KLF12: variants seen among roughly 807,000 people sequenced by gnomAD.
KLF12 encodes the protein KLF transcription factor 12.
A neutral mutation model predicts 37.8 loss-of-function variants in KLF12; 9 were observed. The ratio of observed to expected loss-of-function variants is 0.24; its 90% confidence interval spans 0.14 to 0.42. KLF12 has a LOEUF of 0.42. KLF12 is among the 10% of genes least tolerant of loss of function. The pLI is 1.00. For missense variants in KLF12, 411 were observed against 516.0 expected (o/e 0.80, Z 1.97); for synonymous variants, 208 against 202.1 (o/e 1.03, Z -0.25).
intron 5 of KLF12, among the ~76,000 whole-genome samples, chr13:73,765,206 A>AT (rs1879832451): frequency 6.6e-6 from 1 of 152,094 alleles, no homozygotes; most frequent in Non-Finnish European, 1.5e-5. Flanking sequence ...CACTCTCAAG[A>AT]CAACAGGTCT....
Position 73,943,976 on chromosome 13 carries a change from C to T in KLF12, c.123+5G>A. On this transcript the variant is annotated splice_donor_5th_base_variant and intron_variant, in intron 3 of 7. Transcript: ENST00000377669. ...AGTGGGGCATTGCTGGAAACTTGTG[C>T]TTACCCCTTGTTCAGATTCCAAAAG... 3 of 1,597,126 alleles carry T rather than the reference C, an allele frequency of 1.9e-6. No individual in the cohort carries two copies. Among genetic ancestry groups the T allele is most frequent in the Non-Finnish European group, 2.6e-6 (3 of 1,165,242 alleles).
At chr13:73,761,750 AG>A (rs1312100096) in intron 6 of KLF12, among the ~76,000 whole-genome samples, 1 of 152,184 alleles carries the variant, frequency 6.6e-6, no homozygotes, top group Non-Finnish European at 1.5e-5. Flanking sequence ...TTTAATTTAC[AG>A]GGCCCCAGCC....
chr13:73,886,609 C>T (rs1887233168), intron 3 of KLF12, among the ~76,000 whole-genome samples: 1 of 152,116 alleles, frequency 6.6e-6, no homozygotes, highest in Non-Finnish European at 1.5e-5. Context: ...ACATCCTGCA[C>T]ATGCACCCCA....
chr13:74,151,379 G>A, the KLF12 span, among the ~76,000 whole-genome samples: 105 of 152,240 alleles, frequency 6.9e-4, no homozygotes, highest in African/African-American at 2.0e-3. Flanking sequence ...GGCCGGGCAC[G>A]GTAGCTCACA....
intron 7 of KLF12, among the ~76,000 whole-genome samples, chr13:73,698,852 G>A (rs1000755168): frequency 6.6e-6 from 1 of 152,064 alleles, no homozygotes; most frequent in African/African-American, 2.4e-5. Context: ...TGTAAGCTTC[G>A]TGAATATGTT....
At chr13:73,763,850 T>C (rs949481553) in intron 6 of KLF12, among the ~76,000 whole-genome samples, 27 of 152,132 alleles carry the variant, frequency 1.8e-4, no homozygotes, top group African/African-American at 5.8e-4. Flanking sequence ...ATGCCCCGGC[T>C]CTGAGGCAAG....
chr13:74,006,742 C>G (rs532151890), intron 1 of KLF12, among the ~76,000 whole-genome samples: 1 of 152,236 alleles, frequency 6.6e-6, no homozygotes, highest in South Asian at 2.1e-4. Flanking sequence ...ATGTTAACAC[C>G]CTTTTCTACC....
the KLF12 span, among the ~76,000 whole-genome samples, chr13:74,146,716 TA>T: frequency 6.6e-6 from 1 of 152,344 alleles, no homozygotes; most frequent in South Asian, 2.1e-4. Context: ...AATATATGTA[TA>T]AAAATTAATG....
At position 73,856,816 on chromosome 13, in the gene KLF12, G is replaced by A. The variant is rs149502106; in HGVS notation, c.124-10443C>T. On this transcript the variant is annotated intron_variant, in intron 3 of 7. Transcript: ENST00000377669. ...CCAGCCTCGTCAACATGGTGAAACC[G>A]TCTCTACTAAAAATACAACAATTAG... Among the ~76,000 whole-genome samples, 973 of 151,898 alleles carry A rather than the reference G, an allele frequency of 6.4e-3. 9 individuals are homozygous for A. The highest frequency in any genetic ancestry group is 0.022 in the African/African-American group (903 of 41,432).
At chr13:74,178,918 CAGT>C in the KLF12 span, among the ~76,000 whole-genome samples, 1 of 152,176 alleles carries the variant, frequency 6.6e-6, no homozygotes. Flanking sequence ...TAATCTGTTA[CAGT>C]TAGTTATCCA....
chr13:74,238,858 T>G, the KLF12 span, among the ~76,000 whole-genome samples: 2 of 152,098 alleles, frequency 1.3e-5, no homozygotes, highest in Non-Finnish European at 2.9e-5. Flanking sequence ...TTGCTAGCGG[T>G]CTGTCAATTT....
the KLF12 span, among the ~76,000 whole-genome samples, chr13:74,171,708 C>A: frequency 6.6e-6 from 1 of 152,066 alleles, no homozygotes; most frequent in Non-Finnish European, 1.5e-5. Context: ...AAAATTGTCT[C>A]CAGTAACTTC....
chr13:74,017,098 G>A (rs1445960733), intron 1 of KLF12, among the ~76,000 whole-genome samples: 1 of 151,822 alleles, frequency 6.6e-6, no homozygotes, highest in Non-Finnish European at 1.5e-5. Flanking sequence ...AGAGGCTGCT[G>A]GTAATGTTTT....
At chr13:74,106,560 T>C (rs983571964) in intron 1 of KLF12, among the ~76,000 whole-genome samples, 2 of 152,206 alleles carry the variant, frequency 1.3e-5, no homozygotes, top group Non-Finnish European at 2.9e-5. Flanking sequence ...TGCTATTTTC[T>C]GGAGATAAAA....
intron 6 of KLF12, among the ~76,000 whole-genome samples, chr13:73,718,385 C>T (rs757079100): frequency 6.6e-6 from 1 of 152,210 alleles, no homozygotes; most frequent in Non-Finnish European, 1.5e-5. Flanking sequence ...AATTGCTTCA[C>T]TGTGAGTTCT....
intron 6 of KLF12, among the ~76,000 whole-genome samples, chr13:73,720,459 G>T (rs1043017022): frequency 6.6e-6 from 1 of 152,158 alleles, no homozygotes; most frequent in South Asian, 2.1e-4. Context: ...AATGGTAGAG[G>T]TAAAACACTT....
At chr13:73,915,466 T>C (rs1888775445) in intron 3 of KLF12, among the ~76,000 whole-genome samples, 1 of 151,980 alleles carries the variant, frequency 6.6e-6, no homozygotes, top group Admixed American at 6.6e-5. Flanking sequence ...CGTTACACCC[T>C]TTCCCTGCAG....
chr13:73,710,518 G>C (rs1180667421), intron 7 of KLF12, among the ~76,000 whole-genome samples: 1 of 121,656 alleles, frequency 8.2e-6, no homozygotes, highest in Non-Finnish European at 1.7e-5. Context: ...TGTGATACTT[G>C]GGTAATTGTC....
At chr13:73,852,241 T>C (rs967284022) in intron 3 of KLF12, among the ~76,000 whole-genome samples, 1 of 152,158 alleles carries the variant, frequency 6.6e-6, no homozygotes, top group Admixed American at 6.5e-5. Flanking sequence ...CTCTTAAACA[T>C]AAATGCCGTA....
Sources: allele counts gnomAD v4.1 joint callset (sites outside exome capture counted in the v4.1 genomes callset), GRCh38; gene constraint gnomAD v4.1.1; transcripts MANE v1.5; gene names NCBI Gene and HGNC (gene_info 2026-07-23, HGNC 2026-07-21).